Variants in ARHGEF3 observed in about 807,000 individuals in gnomAD.
The protein encoded by ARHGEF3 is 59.8 kDA protein.
In ARHGEF3, 28 loss-of-function variants were observed where a neutral mutation model predicts 63.2. That is an observed-to-expected ratio of 0.44 (90% CI 0.33 to 0.61). The LOEUF (loss-of-function observed/expected upper bound fraction) is 0.61, where lower values mean the gene tolerates loss of function less well. Ranked by LOEUF, ARHGEF3 falls within the 20% of genes least tolerant of loss-of-function variation. The pLI is 0.03. For missense variants in ARHGEF3, 533 were observed against 659.3 expected (o/e 0.81, Z 2.10); for synonymous variants, 266 against 254.2 (o/e 1.05, Z -0.44).
chr3:56,788,803 C>A (rs2036943484), intron 1 of ARHGEF3, among the ~76,000 whole-genome samples: 1 of 152,026 alleles, frequency 6.6e-6, no homozygotes. Context: ...TGGGAACAAC[C>A]AGAAAGCCAC....
Position 56,964,301 on chromosome 3 carries a change from C to T in ARHGEF3, c.63-5412G>A, listed in dbSNP as rs9879905. 5.9e-3 allele frequency among the ~76,000 whole-genome samples: 869 copies of T among 148,118 alleles called. 11 individuals are homozygous for T. Among genetic ancestry groups the T allele is most frequent in the African/African-American group, 0.021 (816 of 39,742 alleles). On this transcript the variant is annotated intron_variant, in intron 2 of 12. Transcript: ENST00000338458. ...CCGGGAGGCACAGGTTGCAGGGAGC[C>T]GAGATCGTGCCACTGCACTCCAGCC...
chr3:56,779,549 G>A (rs1578491074), intron 1 of ARHGEF3, among the ~76,000 whole-genome samples: 1 of 152,028 alleles, frequency 6.6e-6, no homozygotes, highest in Non-Finnish European at 1.5e-5. Context: ...CTGGAGTGCA[G>A]TGGCGCCATC....
At chr3:56,733,775 G>A (rs2033389500) in intron 8 of ARHGEF3, among the ~76,000 whole-genome samples, 1 of 151,990 alleles carries the variant, frequency 6.6e-6, no homozygotes, top group Non-Finnish European at 1.5e-5. Context: ...CCTGAGGTCA[G>A]GAGTTCAAGA....
At chr3:56,818,876 G>A (rs1390296144) in intron 4 of ARHGEF3, among the ~76,000 whole-genome samples, 8 of 152,196 alleles carry the variant, frequency 5.3e-5, no homozygotes, top group Non-Finnish European at 1.0e-4. Flanking sequence ...AAAGGATAAA[G>A]TGCTCCCACA....
At chr3:56,870,267 C>A (rs1317490243) in intron 4 of ARHGEF3, among the ~76,000 whole-genome samples, 1 of 151,982 alleles carries the variant, frequency 6.6e-6, no homozygotes, top group Non-Finnish European at 1.5e-5. Context: ...TACATCTATA[C>A]AATAAAATAT....
intron 2 of ARHGEF3, among the ~76,000 whole-genome samples, chr3:56,994,342 G>T (rs1701892057): frequency 6.6e-6 from 1 of 152,132 alleles, no homozygotes; most frequent in South Asian, 2.1e-4. Context: ...TTTCTGGAGG[G>T]CTCATGTGCA....
chr3:56,874,266 T>C (rs907729877), intron 4 of ARHGEF3, among the ~76,000 whole-genome samples: 6 of 151,674 alleles, frequency 4.0e-5, no homozygotes, highest in African/African-American at 1.5e-4. Context: ...TGCCAACAGG[T>C]TAAATATAAG....
chr3:56,749,572 C>G lies in ARHGEF3; in HGVS notation c.612+1484G>C, dbSNP rs1430102191. Among the ~76,000 whole-genome samples the G allele has an allele frequency of 2.0e-5, 3 of 152,188 alleles. No homozygotes were observed. The East Asian group carries it at 5.8e-4, about 29-fold the overall frequency. ...TTAAGAGACACTGAGGCACTCTCTA[C>G]TCATTATACCTTCTTTGTCTCTGTC... On this transcript the variant is annotated intron_variant, in intron 6 of 9. Coordinates refer to ENST00000296315, the MANE Select transcript of ARHGEF3 (RefSeq NM_019555.3).
intron 2 of ARHGEF3, among the ~76,000 whole-genome samples, chr3:56,960,413 GA>G (rs1560085728): frequency 6.6e-6 from 1 of 152,140 alleles, no homozygotes; most frequent in African/African-American, 2.4e-5. Flanking sequence ...CTCTGAACAC[GA>G]GGCTTAATTT....
chr3:56,981,465 A>C (rs1444879886), intron 2 of ARHGEF3, among the ~76,000 whole-genome samples: 1 of 152,330 alleles, frequency 6.6e-6, no homozygotes, highest in East Asian at 1.9e-4. Flanking sequence ...TAGCTTGAGC[A>C]GAGGTGGGTC....
intron 2 of ARHGEF3, among the ~76,000 whole-genome samples, chr3:57,024,379 T>G (rs1161452639): frequency 6.6e-6 from 1 of 151,892 alleles, no homozygotes; most frequent in Non-Finnish European, 1.5e-5. Flanking sequence ...GCAAACAGAT[T>G]CAATTTTACT....
At chr3:56,873,193 T>A (rs368967220) in intron 4 of ARHGEF3, among the ~76,000 whole-genome samples, 2 of 147,302 alleles carry the variant, frequency 1.4e-5, no homozygotes, top group South Asian at 2.2e-4. Flanking sequence ...TTTTAAAACC[T>A]CAAACAAGTT....
chr3:56,901,396 G>A (rs2041499776), intron 3 of ARHGEF3, among the ~76,000 whole-genome samples: 1 of 151,318 alleles, frequency 6.6e-6, no homozygotes, highest in African/African-American at 2.4e-5. Context: ...ATATGTATAT[G>A]TATATGTATA....
intron 4 of ARHGEF3, among the ~76,000 whole-genome samples, chr3:56,839,655 T>C (rs893567045): frequency 5.3e-5 from 8 of 152,316 alleles, no homozygotes; most frequent in Middle Eastern, 3.4e-3. Flanking sequence ...GAGGTCTTGG[T>C]TGTCTAATCA....
intron 1 of ARHGEF3, among the ~76,000 whole-genome samples, chr3:57,042,692 ATATATATAT>A (rs1194502704): frequency 3.8e-4 from 9 of 23,956 alleles, no homozygotes; most frequent in East Asian, 1.5e-3. Context: ...ATATATATAT[ATATATATAT>A]TTTTTTTTTT....
chr3:56,754,664 A>C (rs2034960938), intron 3 of ARHGEF3, among the ~76,000 whole-genome samples: 1 of 152,254 alleles, frequency 6.6e-6, no homozygotes, highest in Non-Finnish European at 1.5e-5. Context: ...AAATATTTTA[A>C]AATAGTCTAT....
At chr3:57,015,486 T>C (rs1442838607) in intron 2 of ARHGEF3, among the ~76,000 whole-genome samples, 4 of 152,056 alleles carry the variant, frequency 2.6e-5, no homozygotes, top group Admixed American at 2.6e-4. Context: ...CAGGCTGGAG[T>C]GCAGTTGCAG....
intron 2 of ARHGEF3, among the ~76,000 whole-genome samples, chr3:56,998,678 C>T (rs1301361954): frequency 1.3e-5 from 2 of 152,174 alleles, no homozygotes; most frequent in Non-Finnish European, 2.9e-5. Context: ...TTTGGGTTTT[C>T]TTGGTTTGAC....
At position 56,898,224 on chromosome 3, in the gene ARHGEF3, T is replaced by A. The variant is rs150192453; in HGVS notation, c.130-15870A>T. 3.9e-5 allele frequency among the ~76,000 whole-genome samples: 6 copies of A among 152,204 alleles called. No homozygotes were observed. The East Asian group carries it at 1.2e-3, about 29-fold the overall frequency. On this transcript the variant is annotated intron_variant, in intron 3 of 12. Transcript: ENST00000338458. ...TTTTAGGTATGTCTTATTTATTTAT[T>A]TATGAGATGGAGTCCCGCTGTGTTG...
Sources: allele counts gnomAD v4.1 joint callset (sites outside exome capture counted in the v4.1 genomes callset), GRCh38; gene constraint gnomAD v4.1.1; transcripts MANE v1.5; gene names NCBI Gene and HGNC (gene_info 2026-07-23, HGNC 2026-07-21).